DDHD2: variants seen among roughly 807,000 people sequenced by gnomAD.
DDHD2 encodes the protein DDHD domain containing 2, also known as triacylglycerol hydrolase DDHD2.
In DDHD2, 62 loss-of-function variants were observed where a neutral mutation model predicts 91.2. That is an observed-to-expected ratio of 0.68 (90% CI 0.55 to 0.84). The LOEUF (loss-of-function observed/expected upper bound fraction) is 0.84. Ranked by LOEUF, DDHD2 falls within the 40% of genes least tolerant of loss-of-function variation. The probability of loss-of-function intolerance (pLI) is 0.00; values close to 1 mark genes in which losing one functional copy is unlikely to be tolerated. For synonymous variants in DDHD2, 271 were observed against 293.9 expected, an observed-to-expected ratio of 0.92 and a Z score of 0.80; for missense variants, 740 against 846.9, an observed-to-expected ratio of 0.87 and a Z score of 1.57.
At position 38,246,074 on chromosome 8, in the gene DDHD2, AT is replaced by A. The variant is rs999760489; in HGVS notation, c.1057+127del. 1.1e-5 allele frequency: 13 copies of A among 1,195,662 alleles called. No individual in the cohort carries two copies. The African/African-American group carries it at 2.0e-4, about 18-fold the overall frequency. The allele number at this position is 1,195,662 out of a possible 1,614,324, so 74.1% of individuals were successfully genotyped here. On this transcript the variant is annotated intron_variant, in intron 8 of 17. Coordinates refer to ENST00000397166, the MANE Select transcript of DDHD2 (RefSeq NM_015214.3). ...TCTAGAAGTGGTCTGTGGTCAGGAA[AT>A]TTGGAAGGGGTTGGAAGGGTGGCGG...
At chr8:38,257,662 A>ATTTT (rs35509320) in intron 16 of DDHD2, among the ~76,000 whole-genome samples, 2 of 109,384 alleles carry the variant, frequency 1.8e-5, no homozygotes, top group Non-Finnish European at 3.7e-5. Flanking sequence ...TTACCACAGT[A>ATTTT]TTTTTTTTTT....
intron 10 of DDHD2, among the ~76,000 whole-genome samples, chr8:38,248,812 GCA>G (rs1805862513): frequency 6.6e-6 from 1 of 151,752 alleles, no homozygotes; most frequent in Admixed American, 6.6e-5. Context: ...GGGTGTGGTG[GCA>G]CACACATGTA....
downstream of DDHD2, chr8:38,264,213 T>C: frequency 1.1e-6 from 1 of 942,836 alleles, no homozygotes. Flanking sequence ...AGTGGTGCGA[T>C]CTCGGCTCAC....
intron 7 of DDHD2, 87 bp from the exon 8 acceptor site, chr8:38,245,655 A>G: frequency 3.3e-6 from 4 of 1,196,062 alleles, no homozygotes; most frequent in Non-Finnish European, 4.8e-6. Flanking sequence ...TGTTTGTTAT[A>G]AAATGTTTAA....
chr8:38,261,943 T>TA lies in DDHD2; in HGVS notation c.*1371dup, dbSNP rs1807064845. 1.3e-5 allele frequency: 2 copies of TA among 152,176 alleles called. No individual in the cohort carries two copies. The highest frequency in any genetic ancestry group is 4.8e-5 in the African/African-American group (2 of 41,452). The allele number at this position is 152,176 out of a possible 1,614,324, so 9.4% of individuals were successfully genotyped here. On this transcript the variant is annotated 3_prime_UTR_variant, in exon 18 of 18. Coordinates refer to ENST00000397166, the MANE Select transcript of DDHD2 (RefSeq NM_015214.3). ...TGTTTATAAATTTTTTTATAAATGTTATGGTATTCAAAGCCACTGACATTT... is the reference window on the plus strand; with the variant it reads ...TGTTTATAAATTTTTTTATAAATGTTAATGGTATTCAAAGCCACTGACATTT...
intron 2 of DDHD2, 82 bp downstream of exon 2, chr8:38,233,296 A>T: frequency 9.0e-7 from 1 of 1,110,130 alleles, no homozygotes; most frequent in African/African-American, 1.6e-5. Flanking sequence ...AGTGAGTGCT[A>T]TGAAAACCAA....
intron 16 of DDHD2, among the ~76,000 whole-genome samples, chr8:38,254,890 A>G (rs992775797): frequency 6.6e-6 from 1 of 152,052 alleles, no homozygotes; most frequent in Non-Finnish European, 1.5e-5. Flanking sequence ...CATGTCTGAA[A>G]AAAAATAGTA....
downstream of DDHD2, chr8:38,264,805 T>C: frequency 6.5e-7 from 1 of 1,537,794 alleles, no homozygotes; most frequent in Non-Finnish European, 8.7e-7. Flanking sequence ...TCAGGTTGCT[T>C]TCTGAACACC....
At chr8:38,256,540 G>A (rs1336456037) in intron 16 of DDHD2, among the ~76,000 whole-genome samples, 1 of 152,072 alleles carries the variant, frequency 6.6e-6, no homozygotes, top group East Asian at 1.9e-4. Context: ...CCCTGCTGGT[G>A]TCAAACTCCC....
Position 38,261,312 on chromosome 8 carries a change from A to G in DDHD2, c.*739A>G, listed in dbSNP as rs1025444777. ...TCTTTATAAAGCAAAGATGTTGTAT[A>G]TCCTAGGCCTCCCTTTTATATTTGA... is the stretch of plus-strand genomic sequence containing the variant. On this transcript the variant is annotated 3_prime_UTR_variant, in exon 18 of 18. Transcript: ENST00000397166. 1.3e-5 allele frequency: 2 copies of G among 152,234 alleles called. No individual in the cohort carries two copies. Among genetic ancestry groups the G allele is most frequent in the Non-Finnish European group, 2.9e-5 (2 of 68,026 alleles). 9.4% of individuals were successfully genotyped at this position (152,234 alleles called of 1,614,324 possible).
chr8:38,238,273 CT>C (rs750207433), intron 5 of DDHD2, 64 bp downstream of exon 5: 21 of 1,598,634 alleles, frequency 1.3e-5, no homozygotes, highest in Non-Finnish European at 1.8e-5. Flanking sequence ...AAATTGTGAC[CT>C]TTTTCTGTGG....
chr8:38,268,524 G>C (rs1808083324), intron 1 of DDHD2: 2 of 1,540,272 alleles, frequency 1.3e-6, no homozygotes, highest in Middle Eastern at 1.7e-4. Context: ...GCTCCTACAG[G>C]AAAGAGGGAT....
At chr8:38,249,590 G>T in intron 10 of DDHD2, 118 bp from the exon 11 acceptor site, 1 of 467,446 alleles carries the variant, frequency 2.1e-6, no homozygotes. Flanking sequence ...GTTATTCTAT[G>T]ATGTTTTACT....
intron 3 of DDHD2, among the ~76,000 whole-genome samples, chr8:38,235,873 G>GCACACACACACACACACA (rs36055483): frequency 6.8e-6 from 1 of 147,780 alleles, no homozygotes; most frequent in African/African-American, 2.5e-5. Flanking sequence ...AAGTACACGC[G>GCACACACACACACACACA]CACACACACA....
At chr8:38,247,903 G>A in intron 10 of DDHD2, 68 bp downstream of exon 10, 1 of 1,236,042 alleles carries the variant, frequency 8.1e-7, no homozygotes, top group Non-Finnish European at 1.1e-6. Context: ...TGTTTACTAA[G>A]AGCCTACCCT....
At chr8:38,239,792 G>A (rs569401662) in intron 5 of DDHD2, among the ~76,000 whole-genome samples, 68 of 144,564 alleles carry the variant, frequency 4.7e-4, no homozygotes, top group African/African-American at 1.7e-3. Context: ...GTGTGATCTC[G>A]GCTCACTGCA....
At chr8:38,268,241 C>T (rs1278159191) in intron 1 of DDHD2, 16 of 1,077,758 alleles carry the variant, frequency 1.5e-5, no homozygotes, top group Non-Finnish European at 2.1e-5. Flanking sequence ...TTTTCCTCTC[C>T]CGCGGGGATA....
intron 1 of DDHD2, chr8:38,268,208 G>A: frequency 4.7e-6 from 5 of 1,070,734 alleles, no homozygotes; most frequent in Non-Finnish European, 6.6e-6. Context: ...TGTAGCCTGC[G>A]TAACCAAGTC....
chr8:38,251,784 C>A, intron 11 of DDHD2, 128 bp from the exon 12 acceptor site: 2 of 627,438 alleles, frequency 3.2e-6, no homozygotes, highest in South Asian at 2.0e-5. Flanking sequence ...ATGTTGCCCA[C>A]GTTGGACTTG....
Sources: allele counts gnomAD v4.1 joint callset (sites outside exome capture counted in the v4.1 genomes callset), GRCh38; gene constraint gnomAD v4.1.1; transcripts MANE v1.5; gene names NCBI Gene and HGNC (gene_info 2026-07-23, HGNC 2026-07-21).